Variants in PLA2G4A observed in about 807,000 individuals in gnomAD.
PLA2G4A encodes the protein cytosolic phospholipase A2.
A neutral mutation model predicts 81.9 loss-of-function variants in PLA2G4A; 40 were observed. The ratio of observed to expected loss-of-function variants is 0.49; its 90% confidence interval spans 0.38 to 0.64. The LOEUF (loss-of-function observed/expected upper bound fraction) is 0.64, where lower values mean the gene tolerates loss of function less well. Ranked by LOEUF, PLA2G4A falls within the 30% of genes least tolerant of loss-of-function variation. The probability of loss-of-function intolerance (pLI) is 0.00; values close to 1 mark genes in which losing one functional copy is unlikely to be tolerated. For synonymous variants in PLA2G4A, 302 were observed against 296.9 expected, an observed-to-expected ratio of 1.02 and a Z score of -0.18; for missense variants, 715 against 905.1, an observed-to-expected ratio of 0.79 and a Z score of 2.69.
intron 15 of PLA2G4A, among the ~76,000 whole-genome samples, chr1:186,974,873 T>G (rs1010884394): frequency 6.6e-6 from 1 of 152,220 alleles, no homozygotes; most frequent in South Asian, 2.1e-4. Context: ...AATCATCTGT[T>G]TTTAATCTTT....
At chr1:186,946,233 T>A (rs565523905) in intron 10 of PLA2G4A, among the ~76,000 whole-genome samples, 210 of 152,282 alleles carry the variant, frequency 1.4e-3, no homozygotes, top group Admixed American at 3.7e-3. Flanking sequence ...AGAAAACATT[T>A]TATTTCATTT....
Position 186,911,333 on chromosome 1 carries a change from A to G in PLA2G4A, c.502A>G (p.Ser168Gly). 2 of 1,609,928 alleles carry G rather than the reference A, an allele frequency of 1.2e-6. No individual in the cohort carries two copies. The highest frequency in any genetic ancestry group is 1.7e-6 in the Non-Finnish European group (2 of 1,176,124). The stretch of plus-strand genomic sequence containing the variant: ...ACAGAGAAAAGAACACATAAGGGAG[A>G]GCATGAAGAAACTCTTGGGTCCAAA... ...RQQRKEHIRE[S>G]MKKLLGPKNS... Residue 168 changes from serine to glycine, a missense_variant, in exon 7 of 18, where the codon AGC (serine) becomes GGC (glycine). Coordinates refer to ENST00000367466, the MANE Select transcript of PLA2G4A (RefSeq NM_024420.3).
At chr1:186,898,669 A>G (rs1654433039) in intron 5 of PLA2G4A, among the ~76,000 whole-genome samples, 1 of 152,220 alleles carries the variant, frequency 6.6e-6, no homozygotes, top group Non-Finnish European at 1.5e-5. Context: ...AATGTTTGAC[A>G]TAGAAAAAGT....
At chr1:186,898,856 T>C (rs561664897) in intron 5 of PLA2G4A, among the ~76,000 whole-genome samples, 1 of 152,206 alleles carries the variant, frequency 6.6e-6, no homozygotes, top group Non-Finnish European at 1.5e-5. Flanking sequence ...GTATAATAAA[T>C]GGACAGTGCA....
intron 3 of PLA2G4A, among the ~76,000 whole-genome samples, chr1:186,881,006 A>T (rs1190918207): frequency 6.6e-6 from 1 of 152,018 alleles, no homozygotes; most frequent in Non-Finnish European, 1.5e-5. Context: ...CATCTTTGCA[A>T]TAAATCATTT....
At chr1:186,861,891 G>T (rs184030834) in intron 2 of PLA2G4A, among the ~76,000 whole-genome samples, 1 of 151,798 alleles carries the variant, frequency 6.6e-6, no homozygotes, top group Non-Finnish European at 1.5e-5. Flanking sequence ...CCCATTGAAG[G>T]CTGTGTGCTC....
intron 7 of PLA2G4A, among the ~76,000 whole-genome samples, chr1:186,922,675 T>A (rs573225999): frequency 3.3e-5 from 5 of 152,230 alleles, no homozygotes; most frequent in African/African-American, 9.6e-5. Flanking sequence ...AACCAAGAAA[T>A]GTAGCAGGAC....
intron 7 of PLA2G4A, among the ~76,000 whole-genome samples, chr1:186,912,648 T>C (rs1654988017): frequency 6.8e-6 from 1 of 147,544 alleles, no homozygotes. Flanking sequence ...ATAGCACATT[T>C]CATTTTAGTA....
At position 186,877,063 on chromosome 1, in the gene PLA2G4A, A is replaced by G. The variant is rs553830203; in HGVS notation, c.115+6547A>G. Among the ~76,000 whole-genome samples the G allele has an allele frequency of 1.7e-3, 261 of 152,184 alleles. 2 individuals carry two copies. Among genetic ancestry groups the G allele is most frequent in the African/African-American group, 5.9e-3 (246 of 41,542 alleles). On this transcript the variant is annotated intron_variant, in intron 3 of 17. Coordinates refer to ENST00000367466, the MANE Select transcript of PLA2G4A (RefSeq NM_024420.3). ...TTGGATATTTAGGGAAACATTATCT[A>G]TTTAATCTTTTAAGAGTCTTCTTTA...
Position 186,979,297 on chromosome 1 carries a change from G to T in PLA2G4A, c.1961-18G>T, listed in dbSNP as rs1468992779. 5 of 1,594,284 alleles carry T rather than the reference G, an allele frequency of 3.1e-6. No individual in the cohort carries two copies. The East Asian group carries it at 1.1e-4, about 36-fold the overall frequency. On this transcript the variant is annotated intron_variant, in intron 16 of 17. Coordinates refer to ENST00000367466, the MANE Select transcript of PLA2G4A (RefSeq NM_024420.3). ...TAGTTTTCAAAATAACACCCTTTGTGACTCTTCTGGTATTTAGGTGTTCCA... is the reference window on the plus strand; with the variant it reads ...TAGTTTTCAAAATAACACCCTTTGTTACTCTTCTGGTATTTAGGTGTTCCA...
intron 14 of PLA2G4A, among the ~76,000 whole-genome samples, chr1:186,958,524 T>G (rs1479609800): frequency 2.0e-5 from 3 of 152,326 alleles, no homozygotes; most frequent in African/African-American, 7.2e-5. Flanking sequence ...TTTTACTCTA[T>G]AGAAAGCGAA....
Position 186,977,735 on chromosome 1 carries a change from C to A in PLA2G4A, c.1907C>A (p.Thr636Asn). 1.9e-6 allele frequency: 3 copies of A among 1,613,798 alleles called. No individual in the cohort carries two copies. Among genetic ancestry groups the A allele is most frequent in the Non-Finnish European group, 1.7e-6 (2 of 1,179,732 alleles). The change falls in exon 16 of 18, where the codon ACC becomes AAC. Residue 636 changes from threonine (T) to asparagine (N), a missense_variant. Physicochemically the swap from Thr to Asn is moderately conservative, Grantham distance 65. Coordinates refer to ENST00000367466, the MANE Select transcript of PLA2G4A (RefSeq NM_024420.3). ...CCTGATATGGAGAAAGATTGCCCAA[C>A]CATCATCCACTTTGTTCTGGCCAAC... ...KNPDMEKDCP[T>N]IIHFVLANIN...
chr1:186,841,705 A>G (rs1415318778), intron 1 of PLA2G4A, among the ~76,000 whole-genome samples: 1 of 152,204 alleles, frequency 6.6e-6, no homozygotes, highest in Non-Finnish European at 1.5e-5. Context: ...AGAATGGAAA[A>G]TAACAGCAAA....
chr1:186,872,136 T>C (rs1039816698), intron 3 of PLA2G4A, among the ~76,000 whole-genome samples: 1 of 152,126 alleles, frequency 6.6e-6, no homozygotes, highest in African/African-American at 2.4e-5. Flanking sequence ...TTCGATCAGA[T>C]GTTTACATTT....
intron 1 of PLA2G4A, among the ~76,000 whole-genome samples, chr1:186,829,763 T>A (rs1047617299): frequency 6.6e-6 from 1 of 152,210 alleles, no homozygotes; most frequent in African/African-American, 2.4e-5. Flanking sequence ...TTTTAAAGTA[T>A]CAGTGGATGA....
chr1:186,922,098 G>T (rs1655373302), intron 7 of PLA2G4A, among the ~76,000 whole-genome samples: 1 of 152,094 alleles, frequency 6.6e-6, no homozygotes, highest in Non-Finnish European at 1.5e-5. Flanking sequence ...AGTTCCTAGT[G>T]GGGTGGGCTT....
At chr1:186,917,743 G>C (rs544215540) in intron 7 of PLA2G4A, among the ~76,000 whole-genome samples, 1 of 152,184 alleles carries the variant, frequency 6.6e-6, no homozygotes, top group South Asian at 2.1e-4. Flanking sequence ...GTAAGTACAC[G>C]TAAGAACCAG....
chr1:186,870,804 A>G (rs544384290), intron 3 of PLA2G4A: 159 of 1,058,012 alleles, frequency 1.5e-4, no homozygotes, highest in South Asian at 5.2e-4. Flanking sequence ...GCCTTTAATT[A>G]CTTGAGTTCC....
chr1:186,942,469 C>T (rs1485673647), intron 10 of PLA2G4A, among the ~76,000 whole-genome samples: 3 of 152,124 alleles, frequency 2.0e-5, no homozygotes, highest in Non-Finnish European at 4.4e-5. Flanking sequence ...TTCTTATTTT[C>T]CTCCTTATTT....
Sources: allele counts gnomAD v4.1 joint callset (sites outside exome capture counted in the v4.1 genomes callset), GRCh38; gene constraint gnomAD v4.1.1; transcripts MANE v1.5; gene names NCBI Gene and HGNC (gene_info 2026-07-23, HGNC 2026-07-21).